Variants in SHISA9 observed in about 807,000 individuals in gnomAD.
SHISA9 encodes the protein protein shisa-9.
A neutral mutation model predicts 38.0 loss-of-function variants in SHISA9; 13 were observed. The ratio of observed to expected loss-of-function variants is 0.34; its 90% CI spans 0.22 to 0.54. SHISA9 has a LOEUF of 0.54. SHISA9 is among the 20% of genes least tolerant of loss of function. The probability of loss-of-function intolerance (pLI) is 0.91; values close to 1 mark genes in which losing one functional copy is unlikely to be tolerated. For missense variants in SHISA9, 538 were observed against 575.8 expected (o/e 0.93, Z 0.67); for synonymous variants, 275 against 242.0 (o/e 1.14, Z -1.27).
the SHISA9 span, among the ~76,000 whole-genome samples, chr16:13,312,124 C>T: frequency 6.6e-6 from 1 of 152,188 alleles, no homozygotes; most frequent in Non-Finnish European, 1.5e-5. Context: ...ACTAATATTT[C>T]TGTAAAGGGT....
chr16:12,956,669 C>A (rs778624447), intron 2 of SHISA9, among the ~76,000 whole-genome samples: 1 of 152,072 alleles, frequency 6.6e-6, no homozygotes, highest in South Asian at 2.1e-4. Context: ...GGGAGGTAAA[C>A]AATGGGTAGA....
intron 3 of SHISA9, among the ~76,000 whole-genome samples, chr16:13,207,208 G>A (rs941784954): frequency 6.6e-6 from 1 of 152,156 alleles, no homozygotes; most frequent in East Asian, 1.9e-4. Flanking sequence ...AGGTTGCAGT[G>A]AGCGGAGATG....
At chr16:12,938,490 C>G (rs2071564177) in intron 2 of SHISA9, among the ~76,000 whole-genome samples, 1 of 151,824 alleles carries the variant, frequency 6.6e-6, no homozygotes, top group South Asian at 2.1e-4. Context: ...GGCTAATTCT[C>G]TCTCTCTCTC....
At chr16:13,483,042 C>G in the SHISA9 span, among the ~76,000 whole-genome samples, 1 of 152,290 alleles carries the variant, frequency 6.6e-6, no homozygotes, top group Admixed American at 6.5e-5. Flanking sequence ...CACAGATGGG[C>G]ACTTAGAGTT....
the SHISA9 span, among the ~76,000 whole-genome samples, chr16:13,499,035 C>G: frequency 6.6e-6 from 1 of 152,156 alleles, no homozygotes; most frequent in African/African-American, 2.4e-5. Flanking sequence ...GCAGGAGGCC[C>G]GAGGTTTGCC....
chr16:13,219,304 A>G (rs764628415), intron 4 of SHISA9, among the ~76,000 whole-genome samples: 2 of 152,180 alleles, frequency 1.3e-5, no homozygotes, highest in African/African-American at 2.4e-5. Flanking sequence ...GGCAATCAAC[A>G]TATATTTTGT....
At chr16:13,100,855 G>A (rs956861288) in intron 2 of SHISA9, among the ~76,000 whole-genome samples, 1 of 152,134 alleles carries the variant, frequency 6.6e-6, no homozygotes, top group Non-Finnish European at 1.5e-5. Flanking sequence ...TTACAGGCAT[G>A]AGCCACCACG....
chr16:13,463,533 G>A, the SHISA9 span, among the ~76,000 whole-genome samples: 2 of 152,182 alleles, frequency 1.3e-5, no homozygotes, highest in Non-Finnish European at 2.9e-5. Flanking sequence ...CACCTATTGA[G>A]AGTGATAATC....
At chr16:13,251,696 C>T in the SHISA9 span, among the ~76,000 whole-genome samples, 1 of 152,134 alleles carries the variant, frequency 6.6e-6, no homozygotes, top group Non-Finnish European at 1.5e-5. Flanking sequence ...TTTCATTCTT[C>T]CAAGCCCCTC....
chr16:13,103,985 A>G (rs566067790), intron 2 of SHISA9, among the ~76,000 whole-genome samples: 1 of 152,178 alleles, frequency 6.6e-6, no homozygotes, highest in Non-Finnish European at 1.5e-5. Flanking sequence ...CTAGAGTCCT[A>G]CGAAAACACA....
chr16:12,911,100 A>C (rs2071176941), intron 1 of SHISA9: 1 of 236,444 alleles, frequency 4.2e-6, no homozygotes. Flanking sequence ...GACACTAACC[A>C]TCACAGTACG....
At chr16:13,539,326 G>GTATATATATAT in the SHISA9 span, among the ~76,000 whole-genome samples, 10 of 33,826 alleles carry the variant, frequency 3.0e-4, no homozygotes, top group East Asian at 3.5e-3. Flanking sequence ...ATAAAGACAG[G>GTATATATATAT]ATCTTTATAT....
chr16:13,464,145 G>C, the SHISA9 span, among the ~76,000 whole-genome samples: 15 of 152,178 alleles, frequency 9.9e-5, no homozygotes, highest in African/African-American at 3.6e-4. Context: ...GATTAACTCT[G>C]TGACTTTCTT....
At chr16:13,518,108 C>CT in the SHISA9 span, among the ~76,000 whole-genome samples, 2 of 152,158 alleles carry the variant, frequency 1.3e-5, no homozygotes, top group Non-Finnish European at 2.9e-5. Flanking sequence ...TCTCCCCAAG[C>CT]TGTATATCCC....
chr16:13,195,676 T>C (rs1377284571), intron 2 of SHISA9, among the ~76,000 whole-genome samples: 1 of 152,146 alleles, frequency 6.6e-6, no homozygotes, highest in Non-Finnish European at 1.5e-5. Flanking sequence ...TTAACATCAA[T>C]AGCGATGAGT....
At chr16:13,282,140 T>C in the SHISA9 span, among the ~76,000 whole-genome samples, 1 of 152,094 alleles carries the variant, frequency 6.6e-6, no homozygotes, top group Admixed American at 6.5e-5. Context: ...TTATTTCTCT[T>C]TGGCTTGAAG....
the SHISA9 span, among the ~76,000 whole-genome samples, chr16:13,300,319 C>T: frequency 7.8e-4 from 119 of 152,248 alleles, no homozygotes; most frequent in African/African-American, 2.6e-3. Context: ...TCCCCTGGAA[C>T]GAGAATCAAT....
At chr16:13,359,813 G>A in the SHISA9 span, among the ~76,000 whole-genome samples, 245 of 152,250 alleles carry the variant, frequency 1.6e-3, no homozygotes, top group African/African-American at 5.5e-3. Context: ...GCCTGAGTGT[G>A]GTGACACAGA....
chr16:13,199,790 G>C (rs71390329), intron 2 of SHISA9, among the ~76,000 whole-genome samples: 3,310 of 152,200 alleles, frequency 0.022, 49 homozygotes, highest in South Asian at 0.04. Flanking sequence ...GAGGTATTGG[G>C]ATTGGTTTGA....
Sources: allele counts gnomAD v4.1 joint callset (sites outside exome capture counted in the v4.1 genomes callset), GRCh38; gene constraint gnomAD v4.1.1; transcripts MANE v1.5; gene names NCBI Gene and HGNC (gene_info 2026-07-23, HGNC 2026-07-21).